SSH2: variants seen among roughly 807,000 people sequenced by gnomAD.
SSH2 encodes slingshot protein phosphatase 2.
SSH2 carries 37 observed loss-of-function variants against 135.2 expected under a neutral mutation model. That is an observed-to-expected ratio of 0.27 (90% CI 0.21 to 0.36). The LOEUF is 0.36. Ranked by LOEUF, SSH2 falls within the 10% of genes least tolerant of loss-of-function variation. The pLI is 1.00. For synonymous variants in SSH2, 628 were observed against 646.2 expected (o/e 0.97, Z 0.43); for missense variants, 1,408 against 1,765.3 (o/e 0.80, Z 3.63).
At chr17:29,874,458 G>A (rs1317433221) in intron 1 of SSH2, among the ~76,000 whole-genome samples, 3 of 152,212 alleles carry the variant, frequency 2.0e-5, no homozygotes, top group Non-Finnish European at 4.4e-5. Context: ...GAGAGACCAG[G>A]TGGACTTAAT....
At chr17:29,735,341 G>C (rs920502825) in intron 3 of SSH2, among the ~76,000 whole-genome samples, 30 of 152,250 alleles carry the variant, frequency 2.0e-4, no homozygotes, top group African/African-American at 7.2e-4. Flanking sequence ...TGAAACCAGA[G>C]GAAACACAAT....
rs1236251741 is a variant in SSH2, at chr17:29,626,779, G to A, written c.*4062C>T. 6.6e-6 allele frequency: 1 copy of A among 152,606 alleles called. No individual in the cohort carries two copies. The highest frequency in any genetic ancestry group is 1.5e-5 in the Non-Finnish European group (1 of 68,040). The allele number at this position is 152,606 out of a possible 1,614,324, so 9.5% of individuals were successfully genotyped here. On this transcript the variant is annotated 3_prime_UTR_variant, in exon 16 of 16. Transcript: ENST00000540801. ...TAATATGGGTGTCAGAGGAGTTGAGGCAGCAAATATGCTTGTGTCTAATAC... is the reference window on the plus strand; with the variant it reads ...TAATATGGGTGTCAGAGGAGTTGAGACAGCAAATATGCTTGTGTCTAATAC...
intron 1 of SSH2, among the ~76,000 whole-genome samples, chr17:29,857,796 C>G (rs1310874941): frequency 1.3e-5 from 2 of 152,202 alleles, no homozygotes; most frequent in Non-Finnish European, 2.9e-5. Flanking sequence ...CTATTGTTAA[C>G]TGTACAGTTC....
intron 1 of SSH2, among the ~76,000 whole-genome samples, chr17:29,870,634 T>G (rs2065923365): frequency 6.6e-6 from 1 of 152,098 alleles, no homozygotes. Context: ...GACATGTGAG[T>G]GAGGATACTG....
intron 9 of SSH2, among the ~76,000 whole-genome samples, chr17:29,670,360 C>G (rs1172549862): frequency 1.3e-5 from 2 of 152,238 alleles, no homozygotes; most frequent in Admixed American, 6.5e-5. Flanking sequence ...TTTATCTTTT[C>G]AATTACTGTG....
intron 3 of SSH2, chr17:29,761,482 G>A: frequency 7.1e-6 from 7 of 986,660 alleles, no homozygotes; most frequent in Non-Finnish European, 8.4e-6. Flanking sequence ...GGCGGGACGG[G>A]CGGGTCCTGA....
intron 7 of SSH2, among the ~76,000 whole-genome samples, 199 bp downstream of exon 7, chr17:29,677,474 G>A (rs2037775218): frequency 1.3e-5 from 2 of 152,126 alleles, no homozygotes; most frequent in East Asian, 1.9e-4. Context: ...AGTCGGCCTA[G>A]AAGAACAGAA....
chr17:29,730,326 T>TAA (rs972187509), intron 3 of SSH2, among the ~76,000 whole-genome samples: 16 of 147,866 alleles, frequency 1.1e-4, no homozygotes, highest in Non-Finnish European at 1.5e-4. Flanking sequence ...TATATATATA[T>TAA]AATTTTATAT....
At chr17:29,829,836 GAT>G (rs1491533181) in intron 2 of SSH2, among the ~76,000 whole-genome samples, 1 of 144,922 alleles carries the variant, frequency 6.9e-6, no homozygotes, top group African/African-American at 2.7e-5. Flanking sequence ...TAAAGATCAA[GAT>G]TTTTTTTTTT....
Position 29,736,938 on chromosome 17 carries a change from A to G in SSH2, c.189-33876T>C, listed in dbSNP as rs183914545. Among the ~76,000 whole-genome samples, 97 of 150,676 alleles carry G rather than the reference A, an allele frequency of 6.4e-4. 2 individuals are homozygous for G. In the East Asian group the frequency reaches 0.018, roughly 28 times the overall value. The stretch of plus-strand genomic sequence containing the variant: ...CACGGTGAAACCCTGTCTCTACTAA[A>G]AATACAAAAAATTAGCTGGGCATGG... On this transcript the variant is annotated intron_variant, in intron 3 of 15. Transcript: ENST00000540801.
intron 5 of SSH2, among the ~76,000 whole-genome samples, chr17:29,688,008 GT>G (rs201740279): frequency 3.8e-4 from 56 of 147,512 alleles, no homozygotes; most frequent in African/African-American, 8.5e-4. Context: ...AAACATTAGT[GT>G]TTTTTTTTTT....
intron 1 of SSH2, chr17:29,856,151 T>C: frequency 3.3e-6 from 1 of 300,518 alleles, no homozygotes; most frequent in Non-Finnish European, 6.4e-6. Flanking sequence ...CGGGTGTTGC[T>C]TATTAAGTTA....
At chr17:29,885,055 G>C (rs1019461287) in intron 1 of SSH2, among the ~76,000 whole-genome samples, 2 of 152,168 alleles carry the variant, frequency 1.3e-5, no homozygotes, top group Non-Finnish European at 2.9e-5. Flanking sequence ...ACGGGCTAAA[G>C]TTTAAGTTTA....
intron 3 of SSH2, among the ~76,000 whole-genome samples, chr17:29,725,544 T>C (rs906943443): frequency 6.6e-6 from 1 of 152,088 alleles, no homozygotes; most frequent in Non-Finnish European, 1.5e-5. Flanking sequence ...GTGGCACATA[T>C]ACACCATGGA....
chr17:29,847,706 TA>T (rs1413262688), intron 2 of SSH2, among the ~76,000 whole-genome samples: 1 of 152,158 alleles, frequency 6.6e-6, no homozygotes, highest in Non-Finnish European at 1.5e-5. Context: ...CCAGATGGGA[TA>T]AAGCAAAGAA....
intron 1 of SSH2, among the ~76,000 whole-genome samples, chr17:29,860,663 C>A (rs2065747712): frequency 6.6e-6 from 1 of 151,970 alleles, no homozygotes; most frequent in South Asian, 2.1e-4. Context: ...AACTCCTGAC[C>A]TCAAGTGATC....
At chr17:29,646,852 A>G (rs2036389857) in intron 14 of SSH2, among the ~76,000 whole-genome samples, 2 of 152,106 alleles carry the variant, frequency 1.3e-5, no homozygotes, top group African/African-American at 4.8e-5. Flanking sequence ...TCATACCTCA[A>G]AGGAGTTATA....
intron 1 of SSH2, chr17:29,866,137 G>C (rs1599114195): frequency 6.6e-6 from 1 of 151,418 alleles, no homozygotes; most frequent in East Asian, 1.9e-4. Context: ...AGAAATAAGG[G>C]AGCAAAGGAG....
At chr17:29,750,086 A>C (rs963104354) in intron 3 of SSH2, among the ~76,000 whole-genome samples, 4 of 152,098 alleles carry the variant, frequency 2.6e-5, no homozygotes, top group African/African-American at 9.7e-5. Context: ...TTTTAACTTT[A>C]TAAACTTTAT....
Sources: gnomAD v4.1 joint callset for allele counts (sites outside exome capture counted in the v4.1 genomes callset) on GRCh38, gnomAD v4.1.1 for gene constraint, MANE v1.5 for transcripts, NCBI Gene and HGNC (gene_info 2026-07-23, HGNC 2026-07-21) for gene names.